Variants in GRIP1 observed in about 807,000 individuals in gnomAD.
GRIP1 encodes the protein glutamate receptor interacting protein 1.
Under a neutral mutation model 129.9 loss-of-function variants are expected in GRIP1, and 45 were observed. The observed-to-expected ratio is 0.35, with a 90% CI of 0.27 to 0.44. The LOEUF (loss-of-function observed/expected upper bound fraction) is 0.44, where lower values mean the gene tolerates loss of function less well. GRIP1 is among the 20% of genes least tolerant of loss of function. The pLI is 1.00. For missense variants in GRIP1, 1,196 were observed against 1,396.8 expected (o/e 0.86, Z 2.29); for synonymous variants, 530 against 520.8 (o/e 1.02, Z -0.24).
rs139884571 is a variant in GRIP1 at position 66,686,402 on chromosome 12, T to C, written c.-419-56066A>G. 7.9e-5 allele frequency among the ~76,000 whole-genome samples: 12 copies of C among 152,358 alleles called. No homozygotes were observed. In the East Asian group the frequency reaches 2.3e-3, roughly 29 times the overall value. ...ACCAAATACACATTCATCCTGATAG[T>C]AGATTCTGGTCTAACATGCATAATT... On this transcript the variant is annotated intron_variant, in intron 1 of 4. Coordinates refer to the GRIP1 transcript ENST00000538373.
chr12:66,724,855 G>A (rs770471067), intron 1 of GRIP1, among the ~76,000 whole-genome samples: 3 of 152,176 alleles, frequency 2.0e-5, no homozygotes, highest in African/African-American at 7.2e-5. Flanking sequence ...ATGCTAGCTC[G>A]ATGAGCAGGC....
intron 23 of GRIP1, 82 bp from the exon 24 acceptor site, chr12:66,353,645 A>G: frequency 1.2e-5 from 15 of 1,223,898 alleles, no homozygotes; most frequent in Non-Finnish European, 1.8e-5. Context: ...CAATCTTTTC[A>G]CACGAATTTA....
At chr12:66,954,363 T>C (rs1302573321) in intron 1 of GRIP1, among the ~76,000 whole-genome samples, 1 of 152,198 alleles carries the variant, frequency 6.6e-6, no homozygotes, top group Admixed American at 6.5e-5. Context: ...TCAAACTCTT[T>C]TAGCTACACA....
chr12:66,659,094 G>A (rs1268308939), intron 1 of GRIP1, among the ~76,000 whole-genome samples: 1 of 152,046 alleles, frequency 6.6e-6, no homozygotes, highest in Non-Finnish European at 1.5e-5. Flanking sequence ...TTTTGTACTT[G>A]CTCTTCTCTC....
At chr12:66,410,290 C>T (rs975315462) in intron 15 of GRIP1, among the ~76,000 whole-genome samples, 5 of 142,010 alleles carry the variant, frequency 3.5e-5, no homozygotes, top group East Asian at 4.2e-4. Context: ...AATTAGTAAG[C>T]TTGGAGACAG....
At chr12:66,952,093 G>A (rs370176442) in intron 1 of GRIP1, among the ~76,000 whole-genome samples, 2 of 152,166 alleles carry the variant, frequency 1.3e-5, no homozygotes, top group East Asian at 3.9e-4. Context: ...GAGAGGGCAG[G>A]GAAGAAGCAG....
intron 1 of GRIP1, among the ~76,000 whole-genome samples, chr12:66,974,548 T>C (rs989109849): frequency 1.3e-5 from 2 of 152,166 alleles, no homozygotes; most frequent in Non-Finnish European, 2.9e-5. Flanking sequence ...AAAATGAACA[T>C]AATTTTGACA....
intron 16 of GRIP1, among the ~76,000 whole-genome samples, chr12:66,399,210 C>T (rs1004661006): frequency 3.9e-5 from 6 of 152,064 alleles, no homozygotes; most frequent in South Asian, 2.1e-4. Flanking sequence ...CTCCCTCCAC[C>T]GTGCCAGGAG....
At chr12:66,942,209 C>G (rs2041597416) in intron 1 of GRIP1, among the ~76,000 whole-genome samples, 1 of 152,178 alleles carries the variant, frequency 6.6e-6, no homozygotes, top group Non-Finnish European at 1.5e-5. Context: ...GTTGTGGCTG[C>G]CACTAGCGGA....
chr12:66,569,626 G>C (rs1385288084), intron 2 of GRIP1, among the ~76,000 whole-genome samples: 1 of 152,206 alleles, frequency 6.6e-6, no homozygotes, highest in African/African-American at 2.4e-5. Flanking sequence ...AGGGACCATG[G>C]GACTCAGGGG....
rs1387717301 is a variant in GRIP1 at position 66,650,883 on chromosome 12, A to G, written c.55+27967T>C. Among the ~76,000 whole-genome samples the G allele has an allele frequency of 2.6e-5, 4 of 152,354 alleles. No individual in the cohort carries two copies. In the East Asian group the frequency reaches 7.7e-4, roughly 29 times the overall value. On this transcript the variant is annotated intron_variant, in intron 1 of 24. Transcript: ENST00000359742. Reference sequence around the variant, plus strand: ...CACACTGACCAGCTTCAAATCTAGCAGCATAACCTTGGGCAAACTAATTAA... The same window carrying G: ...CACACTGACCAGCTTCAAATCTAGCGGCATAACCTTGGGCAAACTAATTAA...
At chr12:66,812,859 G>A (rs1422584532) in intron 1 of GRIP1, among the ~76,000 whole-genome samples, 1 of 152,198 alleles carries the variant, frequency 6.6e-6, no homozygotes, top group Non-Finnish European at 1.5e-5. Flanking sequence ...AATTTAAACA[G>A]TATGTTTCCA....
At chr12:66,585,105 CT>C (rs143307283) in intron 2 of GRIP1, among the ~76,000 whole-genome samples, 12,739 of 113,042 alleles carry the variant, frequency 0.11, 1,332 homozygotes, top group African/African-American at 0.3. Context: ...TTTTTTCCTT[CT>C]TTTTTTTTAT....
chr12:67,052,967 C>T (rs889598576), intron 1 of GRIP1, among the ~76,000 whole-genome samples: 7 of 152,114 alleles, frequency 4.6e-5, no homozygotes, highest in African/African-American at 1.4e-4. Flanking sequence ...AATCTCTATC[C>T]TAAAATCAAG....
At chr12:66,964,299 A>G (rs1236994977) in intron 1 of GRIP1, among the ~76,000 whole-genome samples, 1 of 152,168 alleles carries the variant, frequency 6.6e-6, no homozygotes, top group Non-Finnish European at 1.5e-5. Context: ...AGGGCATCAA[A>G]GGACTTATGT....
intron 1 of GRIP1, among the ~76,000 whole-genome samples, chr12:66,942,787 G>A (rs75999690): frequency 7.9e-5 from 12 of 152,266 alleles, no homozygotes; most frequent in African/African-American, 2.2e-4. Context: ...ATTAGGAGGC[G>A]GAGCTTTTGG....
chr12:66,580,898 T>C (rs1203025149), intron 2 of GRIP1, among the ~76,000 whole-genome samples: 9 of 152,016 alleles, frequency 5.9e-5, no homozygotes, highest in East Asian at 1.9e-4. Flanking sequence ...CAGCTCTGCA[T>C]CAAGCGGACC....
At chr12:66,966,900 A>C (rs2042005744) in intron 1 of GRIP1, among the ~76,000 whole-genome samples, 1 of 152,156 alleles carries the variant, frequency 6.6e-6, no homozygotes, top group African/African-American at 2.4e-5. Context: ...CACTATGCAT[A>C]ACCTACACTT....
At chr12:67,014,538 G>C (rs898431910) in intron 1 of GRIP1, among the ~76,000 whole-genome samples, 4 of 152,020 alleles carry the variant, frequency 2.6e-5, no homozygotes, top group African/African-American at 4.8e-5. Context: ...AGCCTGAGAG[G>C]CTACCACATT....
Sources: allele counts gnomAD v4.1 joint callset (sites outside exome capture counted in the v4.1 genomes callset), GRCh38; gene constraint gnomAD v4.1.1; transcripts MANE v1.5; gene names NCBI Gene and HGNC (gene_info 2026-07-23, HGNC 2026-07-21).